Variants in ZMAT1 observed in about 807,000 individuals in gnomAD.
ZMAT1 encodes the protein zinc finger matrin-type protein 1.
In ZMAT1, 11 loss-of-function variants were observed where a neutral mutation model predicts 18.5. The ratio of observed to expected loss-of-function variants is 0.59; its 90% CI spans 0.37 to 0.98. The LOEUF (loss-of-function observed/expected upper bound fraction) is 0.98. Ranked by LOEUF, ZMAT1 falls within the 50% of genes least tolerant of loss-of-function variation. The probability of loss-of-function intolerance (pLI) is 0.01; values close to 1 mark genes in which losing one functional copy is unlikely to be tolerated. For synonymous variants in ZMAT1, 211 were observed against 176.4 expected, an observed-to-expected ratio of 1.20 and a Z score of -1.55; for missense variants, 525 against 496.2, an observed-to-expected ratio of 1.06 and a Z score of -0.55.
intron 1 of ZMAT1, among the ~76,000 whole-genome samples, chrX:101,925,947 G>A (rs751913689): frequency 8.9e-6 from 1 of 112,186 alleles, no homozygotes; most frequent in South Asian, 3.6e-4. Flanking sequence ...TCCAGACAAC[G>A]TCAAATATCC....
chrX:101,913,972 A>T (rs966129275), intron 1 of ZMAT1, among the ~76,000 whole-genome samples: 2 of 111,977 alleles, frequency 1.8e-5, no homozygotes, highest in African/African-American at 3.2e-5. Flanking sequence ...CTCTCAAAAA[A>T]CTGAAATAAT....
intron 1 of ZMAT1, among the ~76,000 whole-genome samples, chrX:101,924,010 A>G (rs1167775975): frequency 1.8e-5 from 2 of 112,370 alleles, no homozygotes; most frequent in Non-Finnish European, 3.8e-5. Context: ...TATTTTTTCA[A>G]TATTTCTAGC....
rs1156971823 is a variant in ZMAT1 at position 101,882,831 on chromosome X, T to C, written c.*679A>G. ...GCTTTTTTAGAGATTAAAGTAGCCATCCACCTAGAAAAATTACAATAACAT... is the reference window on the plus strand; with the variant it reads ...GCTTTTTTAGAGATTAAAGTAGCCACCCACCTAGAAAAATTACAATAACAT... On this transcript the variant is annotated 3_prime_UTR_variant, in exon 6 of 6. Coordinates refer to ENST00000651725, the MANE Select transcript of ZMAT1 (RefSeq NM_001394560.1). The C allele has an allele frequency of 9.0e-6, 1 of 111,031 alleles. No individual in the cohort carries two copies. The highest frequency in any genetic ancestry group is 1.9e-5 in the Non-Finnish European group (1 of 52,820). The allele number at this position is 111,031 out of a possible 1,213,427, so 9.2% of individuals were successfully genotyped here.
At position 101,883,419 on chromosome X, in the gene ZMAT1, TC is replaced by T; in HGVS notation, c.*90del. 1 of 740,646 alleles carries T rather than the reference TC, an allele frequency of 1.4e-6. No homozygotes were observed. The highest frequency in any genetic ancestry group is 1.9e-6 in the Non-Finnish European group (1 of 520,793). The allele number at this position is 740,646 out of a possible 1,213,427, so 61.0% of individuals were successfully genotyped here. On this transcript the variant is annotated 3_prime_UTR_variant, in exon 6 of 6. Transcript: ENST00000651725. Reference sequence around the variant, plus strand: ...TGAAGTGACACTGACTGTATCTACCTCTCCTTTTCTTCATCAGGTGTTCCTT... The same window carrying T: ...TGAAGTGACACTGACTGTATCTACCTTCCTTTTCTTCATCAGGTGTTCCTT...
At chrX:101,918,443 A>AAC (rs1278350793) in intron 1 of ZMAT1, 1 of 36,728 alleles carries the variant, frequency 2.7e-5, no homozygotes, top group Non-Finnish European at 5.1e-5. Context: ...TCTCTACTAA[A>AAC]ATACACACAC....
In ZMAT1 at chrX:101,907,458, A is replaced by G. The variant is rs372222137; in HGVS notation, c.293-3128T>C. Among the ~76,000 whole-genome samples, 30 of 112,446 alleles carry G rather than the reference A, an allele frequency of 2.7e-4. 3 individuals are homozygous for G. Among genetic ancestry groups the G allele is most frequent in the East Asian group, 2.2e-3 (8 of 3,578 alleles). On this transcript the variant is annotated intron_variant, in intron 1 of 5. Coordinates refer to ENST00000651725, the MANE Select transcript of ZMAT1 (RefSeq NM_001394560.1). ...GGTGAAGGGCTTTCCCAGAAAAATT[A>G]AGTCTGCAAAAATTGGAATAAGTCC... is the stretch of plus-strand genomic sequence containing the variant.
chrX:101,894,958 CCA>C, intron 4 of ZMAT1: 1 of 661,781 alleles, frequency 1.5e-6, no homozygotes, highest in Non-Finnish European at 1.8e-6. Flanking sequence ...GTGGATCACT[CCA>C]GTCAGGATCA....
At chrX:101,928,126 G>C (rs1337243191) in intron 1 of ZMAT1, among the ~76,000 whole-genome samples, 2 of 111,991 alleles carry the variant, frequency 1.8e-5, no homozygotes, top group African/African-American at 6.5e-5. Context: ...ATAAACAATG[G>C]AATGGTCCTG....
intron 1 of ZMAT1, among the ~76,000 whole-genome samples, chrX:101,931,143 A>C (rs1014072842): frequency 2.7e-5 from 3 of 112,063 alleles, no homozygotes; most frequent in African/African-American, 9.7e-5. Context: ...TTTAAAGCTC[A>C]AGTATACACT....
rs1406995811 is a variant in ZMAT1 at position 101,904,275 on chromosome X, T to C, written c.348A>G (p.Gln116=). The change falls in exon 2 of 6, where the codon CAA becomes CAG. Residue 116 remains glutamine, a synonymous_variant. Coordinates refer to ENST00000651725, the MANE Select transcript of ZMAT1 (RefSeq NM_001394560.1). The stretch of plus-strand genomic sequence containing the variant: ...CAAACTGTAGCATCACTCCACATAC[T>C]TGACAAAACTTATCTGTAAAAAGTT... ...KAELFTDKFC[Q]VCGVMLQFES... is the part of the protein sequence containing the mutation. 5.0e-6 allele frequency: 6 copies of C among 1,208,685 alleles called. No homozygotes were observed. Among genetic ancestry groups the C allele is most frequent in the Non-Finnish European group, 6.7e-6 (6 of 894,340 alleles).
At chrX:101,916,745 G>A (rs1428533511) in intron 1 of ZMAT1, among the ~76,000 whole-genome samples, 1 of 111,460 alleles carries the variant, frequency 9.0e-6, no homozygotes, top group Non-Finnish European at 1.9e-5. Flanking sequence ...TAAGTAAAAA[G>A]AACAAAACTG....
At chrX:101,890,140 C>T (rs965079293) in intron 4 of ZMAT1, 2 of 111,647 alleles carry the variant, frequency 1.8e-5, no homozygotes, top group African/African-American at 6.5e-5. Context: ...ACTGTATCTC[C>T]AAATCTATGT....
At chrX:101,914,888 A>C (rs1451551736) in intron 1 of ZMAT1, among the ~76,000 whole-genome samples, 2 of 111,608 alleles carry the variant, frequency 1.8e-5, no homozygotes, top group African/African-American at 3.3e-5. Flanking sequence ...ACATCCAAAA[A>C]AGAAAACTAC....
intron 1 of ZMAT1, among the ~76,000 whole-genome samples, chrX:101,908,417 C>T (rs1428172753): frequency 1.8e-5 from 2 of 111,486 alleles, no homozygotes; most frequent in African/African-American, 6.5e-5. Context: ...ACTATCTACA[C>T]AGAAAAAAAT....
At chrX:101,895,933 T>G (rs951634796) in intron 4 of ZMAT1, 1 of 620,281 alleles carries the variant, frequency 1.6e-6, no homozygotes. Flanking sequence ...ATATTAGAAC[T>G]GCATTTATTG....
Position 101,911,147 on chromosome X carries a change from A to T in ZMAT1, c.293-6817T>A, listed in dbSNP as rs7887169. On this transcript the variant is annotated intron_variant, in intron 1 of 5. Coordinates refer to ENST00000651725, the MANE Select transcript of ZMAT1 (RefSeq NM_001394560.1). ...CATCACATATTTAAATGCTAAAGAAAAAAAAAGCCCTTTTACCCTAGAATA... is the reference window on the plus strand; with the variant it reads ...CATCACATATTTAAATGCTAAAGAATAAAAAAGCCCTTTTACCCTAGAATA... Among the ~76,000 whole-genome samples, 22 of 110,843 alleles carry T rather than the reference A, an allele frequency of 2.0e-4. No homozygotes were observed. The South Asian group carries it at 7.9e-3, about 40-fold the overall frequency.
chrX:101,929,261 A>G (rs1930261842), intron 1 of ZMAT1, among the ~76,000 whole-genome samples: 1 of 108,903 alleles, frequency 9.2e-6, no homozygotes, highest in Non-Finnish European at 1.9e-5. Flanking sequence ...AATCTTGACA[A>G]TTCTTTGACA....
intron 1 of ZMAT1, among the ~76,000 whole-genome samples, chrX:101,927,505 T>A (rs1039401794): frequency 8.9e-5 from 10 of 112,370 alleles, no homozygotes; most frequent in African/African-American, 3.2e-4. Flanking sequence ...GGGTTTCCCA[T>A]GGCATGTTAA....
chrX:101,899,250 C>T (rs1928051543), intron 2 of ZMAT1, among the ~76,000 whole-genome samples: 1 of 111,364 alleles, frequency 9.0e-6, no homozygotes, highest in Non-Finnish European at 1.9e-5. Flanking sequence ...ATTTCCTGAG[C>T]ACATAATGTG....
Sources: allele counts gnomAD v4.1 joint callset (sites outside exome capture counted in the v4.1 genomes callset), GRCh38; gene constraint gnomAD v4.1.1; transcripts MANE v1.5; gene names NCBI Gene and HGNC (gene_info 2026-07-23, HGNC 2026-07-21).